CTNNA2: variants seen among roughly 807,000 people sequenced by gnomAD.
CTNNA2 encodes catenin alpha-2.
Under a neutral mutation model 101.0 loss-of-function variants are expected in CTNNA2, and 42 were observed. The observed-to-expected ratio is 0.42, with a 90% CI of 0.32 to 0.54. The LOEUF (loss-of-function observed/expected upper bound fraction) is 0.54, where lower values mean the gene tolerates loss of function less well. CTNNA2 is among the 20% of genes least tolerant of loss of function. The probability of loss-of-function intolerance (pLI) is 0.14; values close to 1 mark genes in which losing one functional copy is unlikely to be tolerated. For synonymous variants in CTNNA2, 450 were observed against 456.4 expected (o/e 0.99, Z 0.18); for missense variants, 871 against 1,223.1 (o/e 0.71, Z 4.29).
At chr2:80,587,797 T>C (rs216628) in intron 14 of CTNNA2, among the ~76,000 whole-genome samples, 36,796 of 152,118 alleles carry the variant, frequency 0.24, 6,737 homozygotes, top group African/African-American at 0.52. Flanking sequence ...ATGTGCATCC[T>C]AGAAGCAGGG....
intron 1 of CTNNA2, among the ~76,000 whole-genome samples, chr2:79,577,362 T>G (rs1221464579): frequency 6.6e-6 from 1 of 152,126 alleles, no homozygotes; most frequent in Non-Finnish European, 1.5e-5. Context: ...AATGTAAGTT[T>G]AGTCAAGTTT....
At chr2:79,676,402 T>A (rs905207810) in intron 2 of CTNNA2, among the ~76,000 whole-genome samples, 1 of 152,120 alleles carries the variant, frequency 6.6e-6, no homozygotes, top group African/African-American at 2.4e-5. Context: ...CTCGGACACT[T>A]ACTGTGGTTT....
chr2:79,867,160 C>T (rs1682171261), intron 4 of CTNNA2, among the ~76,000 whole-genome samples: 1 of 152,108 alleles, frequency 6.6e-6, no homozygotes, highest in Admixed American at 6.6e-5. Flanking sequence ...TTTGTTTGGG[C>T]CATAGGAGTC....
At chr2:80,485,264 C>T (rs1226793366) in intron 9 of CTNNA2, among the ~76,000 whole-genome samples, 3 of 152,148 alleles carry the variant, frequency 2.0e-5, no homozygotes, top group Non-Finnish European at 2.9e-5. Context: ...TGACATCATT[C>T]ATCCTTTTGA....
intron 3 of CTNNA2, among the ~76,000 whole-genome samples, chr2:79,782,660 T>C (rs1674541725): frequency 6.6e-6 from 1 of 152,206 alleles, no homozygotes; most frequent in Non-Finnish European, 1.5e-5. Context: ...GTCTTCCTGC[T>C]TGGGCAGGAT....
chr2:80,381,779 A>G (rs1368034231), intron 7 of CTNNA2, among the ~76,000 whole-genome samples: 1 of 152,142 alleles, frequency 6.6e-6, no homozygotes, highest in African/African-American at 2.4e-5. Context: ...AGGTGTTCTC[A>G]AACACATCCT....
At chr2:80,358,328 G>A (rs1559041132) in intron 7 of CTNNA2, among the ~76,000 whole-genome samples, 3 of 148,332 alleles carry the variant, frequency 2.0e-5, no homozygotes, top group East Asian at 2.0e-4. Context: ...TGAGTTCTAC[G>A]TCAGTAGTAT....
chr2:79,299,592 G>T (rs1676060687), intron 2 of CTNNA2, among the ~76,000 whole-genome samples: 1 of 152,126 alleles, frequency 6.6e-6, no homozygotes, highest in African/African-American at 2.4e-5. Flanking sequence ...TTTTATCCTG[G>T]GGATCATAAT....
chr2:79,218,356 T>A (rs1674296496), intron 2 of CTNNA2, among the ~76,000 whole-genome samples: 1 of 150,868 alleles, frequency 6.6e-6, no homozygotes, highest in Non-Finnish European at 1.5e-5. Flanking sequence ...TGTGTATTTT[T>A]TTTTTTTTTA....
chr2:80,045,233 C>G (rs1696436274), intron 7 of CTNNA2, among the ~76,000 whole-genome samples: 1 of 152,136 alleles, frequency 6.6e-6, no homozygotes, highest in South Asian at 2.1e-4. Context: ...TTAAAGCAGT[C>G]CTAATTGTAC....
At chr2:80,542,259 A>G (rs76963605) in intron 9 of CTNNA2, among the ~76,000 whole-genome samples, 5 of 151,386 alleles carry the variant, frequency 3.3e-5, no homozygotes, top group African/African-American at 1.2e-4. Context: ...ATGTGTATAT[A>G]TATATTATAG....
Position 80,023,696 on chromosome 2 carries a change from C to CCA in CTNNA2, c.1056+113901_1056+113902dup, listed in dbSNP as rs566442655. On this transcript the variant is annotated intron_variant, in intron 7 of 18. Coordinates refer to ENST00000402739, the MANE Select transcript of CTNNA2 (RefSeq NM_001282597.3). ...TACTAGGAAATCCAGGGCCCACAAT[C>CCA]CACTTCCTTAGAAATGTGTATTGAT... Among the ~76,000 whole-genome samples, 10 of 152,306 alleles carry CCA rather than the reference C, an allele frequency of 6.6e-5. No individual in the cohort carries two copies. The East Asian group carries it at 9.6e-4, about 15-fold the overall frequency.
chr2:80,423,874 G>A (rs573183924), intron 9 of CTNNA2, among the ~76,000 whole-genome samples: 1 of 152,298 alleles, frequency 6.6e-6, no homozygotes, highest in South Asian at 2.1e-4. Flanking sequence ...CAATAAAAAG[G>A]TGGCCCCTCT....
At chr2:80,337,492 A>G (rs1340727647) in intron 7 of CTNNA2, among the ~76,000 whole-genome samples, 10 of 109,126 alleles carry the variant, frequency 9.2e-5, no homozygotes, top group African/African-American at 3.3e-4. Context: ...TTTTGCTCCT[A>G]TGGAAACTAA....
At chr2:79,472,570 T>A (rs577386131) in intron 4 of CTNNA2, among the ~76,000 whole-genome samples, 2 of 152,334 alleles carry the variant, frequency 1.3e-5, no homozygotes, top group African/African-American at 4.8e-5. Context: ...CTTTTCTTCA[T>A]TTCATCCCAT....
intron 3 of CTNNA2, among the ~76,000 whole-genome samples, chr2:79,841,847 A>G (rs1269528222): frequency 6.6e-6 from 1 of 152,210 alleles, no homozygotes; most frequent in East Asian, 1.9e-4. Context: ...GAAGGCTGTA[A>G]AGTTGTCTCT....
intron 3 of CTNNA2, among the ~76,000 whole-genome samples, chr2:79,753,407 G>A (rs1162759937): frequency 6.6e-6 from 1 of 151,978 alleles, no homozygotes; most frequent in African/African-American, 2.4e-5. Context: ...ATTTAATGGT[G>A]TAACACAGCA....
rs1192731162 is a variant in CTNNA2 at position 79,426,625 on chromosome 2, A to G, written c.-135+52612A>G. Among the ~76,000 whole-genome samples the G allele has an allele frequency of 2.6e-5, 4 of 152,154 alleles. No homozygotes were observed. The East Asian group carries it at 7.7e-4, about 29-fold the overall frequency. On this transcript the variant is annotated intron_variant, in intron 4 of 21. Coordinates refer to the CTNNA2 transcript ENST00000466387. ...AAAATATATACTCAGTGAATAAACC[A>G]TTGCATTATCAGGCTTGATGCCAGC...
chr2:79,892,969 A>C (rs1470855783), intron 6 of CTNNA2, among the ~76,000 whole-genome samples: 1 of 152,188 alleles, frequency 6.6e-6, no homozygotes, highest in Non-Finnish European at 1.5e-5. Flanking sequence ...AAATTACCAA[A>C]GCACTATACC....
Sources: gnomAD v4.1 joint callset for allele counts (sites outside exome capture counted in the v4.1 genomes callset) on GRCh38, gnomAD v4.1.1 for gene constraint, MANE v1.5 for transcripts, NCBI Gene and HGNC (gene_info 2026-07-23, HGNC 2026-07-21) for gene names.